AGFG1: variants seen among roughly 807,000 people sequenced by gnomAD.
The protein encoded by AGFG1 is ArfGAP with FG repeats 1, also known as arf-GAP domain and FG repeat-containing protein 1.
In AGFG1, 10 loss-of-function variants were observed where a neutral mutation model predicts 60.6. The ratio of observed to expected loss-of-function variants is 0.16; its 90% CI spans 0.10 to 0.28. AGFG1 has a LOEUF of 0.28. Ranked by LOEUF, AGFG1 falls within the 10% of genes least tolerant of loss-of-function variation. The probability of loss-of-function intolerance (pLI) is 1.00; values close to 1 mark genes in which losing one functional copy is unlikely to be tolerated. For synonymous variants in AGFG1, 247 were observed against 242.9 expected, an observed-to-expected ratio of 1.02 and a Z score of -0.16; for missense variants, 537 against 676.5, an observed-to-expected ratio of 0.79 and a Z score of 2.29.
chr2:227,484,677 G>GTTTTTTTTTTT (rs34405103), intron 1 of AGFG1, among the ~76,000 whole-genome samples: 3 of 115,900 alleles, frequency 2.6e-5, no homozygotes, highest in African/African-American at 1.0e-4. Context: ...AGATCTCTTA[G>GTTTTTTTTTTT]TTTTTTTTTT....
intron 2 of AGFG1, among the ~76,000 whole-genome samples, chr2:227,499,657 A>G (rs886589805): frequency 4.0e-5 from 6 of 149,874 alleles, no homozygotes; most frequent in African/African-American, 1.5e-4. Context: ...AAAAAAAGGA[A>G]GAAAAAAAGG....
rs187984863 is a variant in AGFG1 at position 227,507,463 on chromosome 2, C to T, written c.262-12485C>T. 3.5e-3 allele frequency among the ~76,000 whole-genome samples: 526 copies of T among 152,006 alleles called. 3 individuals carry two copies. The highest frequency in any genetic ancestry group is 0.012 in the African/African-American group (488 of 41,472). Reference sequence around the variant, plus strand: ...TAAAAATACTAACAAATTAGCTGGGCGTGGTGGCACATGCCTGTAGTCCCA... The same window carrying T: ...TAAAAATACTAACAAATTAGCTGGGTGTGGTGGCACATGCCTGTAGTCCCA... On this transcript the variant is annotated intron_variant, in intron 2 of 12. Transcript: ENST00000310078.
chr2:227,489,099 G>A (rs1021098619), intron 1 of AGFG1, among the ~76,000 whole-genome samples: 2 of 151,856 alleles, frequency 1.3e-5, no homozygotes, highest in African/African-American at 4.8e-5. Context: ...ACAGGCATGA[G>A]CCACTGTGCC....
At chr2:227,518,834 T>C (rs760488470) in intron 2 of AGFG1, among the ~76,000 whole-genome samples, 1 of 152,218 alleles carries the variant, frequency 6.6e-6, no homozygotes, top group Admixed American at 6.5e-5. Flanking sequence ...AGTGGGCTGC[T>C]GATATCTTTG....
At chr2:227,506,571 A>AAT (rs1439407399) in intron 2 of AGFG1, among the ~76,000 whole-genome samples, 1 of 151,208 alleles carries the variant, frequency 6.6e-6, no homozygotes, top group Non-Finnish European at 1.5e-5. Context: ...AAAAAAAAAA[A>AAT]AAAAAAAAGC....
intron 6 of AGFG1, 145 bp from the exon 7 acceptor site, chr2:227,533,404 A>G: frequency 2.7e-6 from 2 of 735,046 alleles, no homozygotes; most frequent in Non-Finnish European, 4.4e-6. Flanking sequence ...CGTCACTTGT[A>G]GTCAAAAGCC....
Position 227,519,944 on chromosome 2 carries a change from A to G in AGFG1, c.262-4A>G. 1 of 1,552,116 alleles carries G rather than the reference A, an allele frequency of 6.4e-7. No homozygotes were observed. The highest frequency in any genetic ancestry group is 8.7e-7 in the Non-Finnish European group (1 of 1,144,696). ...AACATATATTTTTTTAATTCTTTCC[A>G]AAGGTCTGTAAACAGATTTGGCTAG... On this transcript the variant is annotated splice_region_variant and splice_polypyrimidine_tract_variant and intron_variant, in intron 2 of 12. Transcript: ENST00000310078.
Position 227,559,287 on chromosome 2 carries a change from C to A in AGFG1, c.*4792C>A, listed in dbSNP as rs936996582. Reference sequence around the variant, plus strand: ...AATTTTTCTTAGTCTCAAACATTCACATGTTTTTCAAGGCCTTGGAGTTGG... The same window carrying A: ...AATTTTTCTTAGTCTCAAACATTCAAATGTTTTTCAAGGCCTTGGAGTTGG... On this transcript the variant is annotated 3_prime_UTR_variant, in exon 13 of 13. Coordinates refer to ENST00000310078, the MANE Select transcript of AGFG1 (RefSeq NM_004504.5). 1 of 152,130 alleles carries A rather than the reference C, an allele frequency of 6.6e-6. No individual in the cohort carries two copies. Among genetic ancestry groups the A allele is most frequent in the Non-Finnish European group, 1.5e-5 (1 of 68,006 alleles). The allele number at this position is 152,130 out of a possible 1,614,324, so 9.4% of individuals were successfully genotyped here.
At chr2:227,553,495 CA>C (rs5839218) in intron 11 of AGFG1, among the ~76,000 whole-genome samples, 2,514 of 120,192 alleles carry the variant, frequency 0.021, 49 homozygotes, top group African/African-American at 0.076. Context: ...GATCATGTCT[CA>C]AAAAAAAAAA....
chr2:227,551,125 C>T (rs1415889061), intron 10 of AGFG1, among the ~76,000 whole-genome samples: 1 of 152,156 alleles, frequency 6.6e-6, no homozygotes, highest in Non-Finnish European at 1.5e-5. Flanking sequence ...CCAAGTAATA[C>T]CAGCGAGGCA....
chr2:227,473,392 A>G (rs749490236), intron 1 of AGFG1, among the ~76,000 whole-genome samples: 13 of 152,114 alleles, frequency 8.5e-5, no homozygotes, highest in Admixed American at 3.3e-4. Context: ...TCTAAATATG[A>G]TGGAGTTATC....
At chr2:227,483,864 G>A (rs1244769100) in intron 1 of AGFG1, among the ~76,000 whole-genome samples, 1 of 152,070 alleles carries the variant, frequency 6.6e-6, no homozygotes, top group African/African-American at 2.4e-5. Flanking sequence ...TAAAAAATTG[G>A]CCAAGTTTTT....
In AGFG1 at chr2:227,560,755, ATG is replaced by A. The variant is rs1263256387; in HGVS notation, c.*6263_*6264del. 6.6e-6 allele frequency: 1 copy of A among 152,164 alleles called. No individual in the cohort carries two copies. Among genetic ancestry groups the A allele is most frequent in the Non-Finnish European group, 1.5e-5 (1 of 67,992 alleles). The allele number at this position is 152,164 out of a possible 1,614,324, so 9.4% of individuals were successfully genotyped here. A position where few individuals can be genotyped will look rare whatever the true frequency, so the allele number is the denominator to read the frequency against. Reference sequence around the variant, plus strand: ...ATTAGCTTCCTATGCTTTAGAAAAAATGTGAGTTATTACTCTGAAAGTTGTGA... The same window carrying A: ...ATTAGCTTCCTATGCTTTAGAAAAAATGAGTTATTACTCTGAAAGTTGTGA... On this transcript the variant is annotated 3_prime_UTR_variant, in exon 13 of 13. Coordinates refer to ENST00000310078, the MANE Select transcript of AGFG1 (RefSeq NM_004504.5).
chr2:227,549,434 C>A (rs979010648), intron 10 of AGFG1, among the ~76,000 whole-genome samples: 1 of 152,154 alleles, frequency 6.6e-6, no homozygotes, highest in South Asian at 2.1e-4. Context: ...TCAAACATGC[C>A]AGGTGAGTAA....
At chr2:227,536,082 C>T (rs988525841) in intron 8 of AGFG1, among the ~76,000 whole-genome samples, 10 of 151,922 alleles carry the variant, frequency 6.6e-5, no homozygotes, top group Non-Finnish European at 1.3e-4. Context: ...AGGTTTGTTA[C>T]ATAGGTATAC....
At chr2:227,528,541 T>G (rs1692064215) in intron 5 of AGFG1, among the ~76,000 whole-genome samples, 1 of 152,150 alleles carries the variant, frequency 6.6e-6, no homozygotes, top group South Asian at 2.1e-4. Context: ...ATAAATAGAG[T>G]AAAACTTGTG....
intron 2 of AGFG1, among the ~76,000 whole-genome samples, chr2:227,508,085 T>C (rs1451138526): frequency 6.6e-6 from 1 of 152,214 alleles, no homozygotes; most frequent in Non-Finnish European, 1.5e-5. Flanking sequence ...ACCTCTTGGT[T>C]TATTTACATA....
At chr2:227,553,500 A>AG (rs1291521576) in intron 11 of AGFG1, among the ~76,000 whole-genome samples, 1 of 149,818 alleles carries the variant, frequency 6.7e-6, no homozygotes, top group African/African-American at 2.5e-5. Context: ...TGTCTCAAAA[A>AG]AAAAAAAAAA....
At chr2:227,522,885 T>A (rs963534518) in intron 3 of AGFG1, among the ~76,000 whole-genome samples, 7 of 152,216 alleles carry the variant, frequency 4.6e-5, no homozygotes, top group African/African-American at 1.7e-4. Context: ...AAATCATGTG[T>A]TTATATGACT....
Sources: gnomAD v4.1 joint callset for allele counts (sites outside exome capture counted in the v4.1 genomes callset) on GRCh38, gnomAD v4.1.1 for gene constraint, MANE v1.5 for transcripts, NCBI Gene and HGNC (gene_info 2026-07-23, HGNC 2026-07-21) for gene names.